COLEC10: variants seen among roughly 807,000 people sequenced by gnomAD.
COLEC10 encodes the protein collectin subfamily member 10, also known as collectin-10.
In COLEC10, 22 loss-of-function variants were observed where a neutral mutation model predicts 28.4. The ratio of observed to expected loss-of-function variants is 0.78; its 90% CI spans 0.55 to 1.11. The LOEUF (loss-of-function observed/expected upper bound fraction) is 1.11. COLEC10 is among the 50% of genes least tolerant of loss of function. COLEC10 has a pLI of 0.00. For missense variants in COLEC10, 361 were observed against 344.1 expected (o/e 1.05, Z -0.39); for synonymous variants, 125 against 116.1 (o/e 1.08, Z -0.49).
rs757896357 is a variant in COLEC10, at chr8:119,067,289, G to A, written c.8G>A (p.Gly3Asp). 1.3e-5 allele frequency: 21 copies of A among 1,613,732 alleles called. No homozygotes were observed. In the East Asian group the frequency reaches 4.2e-4, roughly 33 times the overall value. Residue 3 changes from glycine to aspartate, a missense_variant, in exon 1 of 6, where the codon GGC becomes GAC. By Grantham distance (94) the Gly-to-Asp change is moderately conservative. Around this residue, in one of 3 missense-constraint regions of COLEC10, gnomAD observed 335 missense variants for 308.5 expected, o/e 1.09. Coordinates refer to ENST00000332843, the MANE Select transcript of COLEC10 (RefSeq NM_006438.5). MN[G>D]FASLLRRNQF... is the part of the protein sequence containing the mutation. The stretch of plus-strand genomic sequence containing the variant: ...TTCTGAGGAACCACAGCAATGAATG[G>A]CTTTGCATCCTTGCTTCGAAGAAAC...
At chr8:119,100,264 C>T (rs565401788) in intron 3 of COLEC10, among the ~76,000 whole-genome samples, 90 of 152,020 alleles carry the variant, frequency 5.9e-4, no homozygotes, top group Non-Finnish European at 9.9e-4. Flanking sequence ...TAGATGTCCT[C>T]GAGCAAGTTA....
the COLEC10 span, among the ~76,000 whole-genome samples, chr8:118,960,517 C>T: frequency 2.0e-5 from 3 of 152,024 alleles, no homozygotes; most frequent in Middle Eastern, 3.2e-3. Context: ...AATGATCAAG[C>T]GATTGTGCTG....
At chr8:119,076,120 C>T (rs1815228124) in intron 1 of COLEC10, among the ~76,000 whole-genome samples, 1 of 145,912 alleles carries the variant, frequency 6.9e-6, no homozygotes, top group African/African-American at 2.6e-5. Flanking sequence ...ACCATGTTAG[C>T]CAGGACAGTC....
the COLEC10 span, among the ~76,000 whole-genome samples, chr8:118,986,695 AG>A: frequency 6.6e-6 from 1 of 152,192 alleles, no homozygotes; most frequent in Non-Finnish European, 1.5e-5. Context: ...TCAATAAAAT[AG>A]TATTTCTCCA....
chr8:119,069,622 AAAAAAAAATATATATATAT>A (rs1815053000), intron 1 of COLEC10, among the ~76,000 whole-genome samples: 1 of 71,144 alleles, frequency 1.4e-5, no homozygotes, highest in Admixed American at 1.7e-4. Flanking sequence ...AAAAAAAAAA[AAAAAAAAATATATATATAT>A]ATATATATAT....
Position 119,024,396 on chromosome 8 carries a change from T to C in COLEC10, n.235+14843T>C, listed in dbSNP as rs192013959. On this transcript the variant is annotated intron_variant and non_coding_transcript_variant, in intron 2 of 6. Coordinates refer to the COLEC10 transcript ENST00000521788. Reference sequence around the variant, plus strand: ...TGATGAGATTTCAGTAGTTTTCTTATAGTGAGTCCCCTTATAAGGCATAAG... The same window carrying C: ...TGATGAGATTTCAGTAGTTTTCTTACAGTGAGTCCCCTTATAAGGCATAAG... Among the ~76,000 whole-genome samples, 141 of 152,260 alleles carry C rather than the reference T, an allele frequency of 9.3e-4. 2 individuals carry two copies. The highest frequency in any genetic ancestry group is 8.8e-5 in the Non-Finnish European group (6 of 68,002).
chr8:118,998,475 G>A (rs1032720828), intron 1 of COLEC10, among the ~76,000 whole-genome samples: 2 of 152,056 alleles, frequency 1.3e-5, no homozygotes, highest in Non-Finnish European at 2.9e-5. Flanking sequence ...TGCTGAGATA[G>A]CGCATGAATA....
intron 2 of COLEC10, among the ~76,000 whole-genome samples, chr8:119,055,518 A>G (rs189526640): frequency 1.3e-5 from 2 of 152,182 alleles, no homozygotes; most frequent in Admixed American, 1.3e-4. Flanking sequence ...TCATCCCAGG[A>G]GCAAAATTTG....
At chr8:119,006,708 C>G (rs1183558508) in intron 1 of COLEC10, among the ~76,000 whole-genome samples, 1 of 151,988 alleles carries the variant, frequency 6.6e-6, no homozygotes, top group African/African-American at 2.4e-5. Context: ...ATTCCTACTG[C>G]ATGGATATTG....
chr8:119,062,990 C>A (rs1814885985), upstream of COLEC10: 1 of 152,118 alleles, frequency 6.6e-6, no homozygotes, highest in African/African-American at 2.4e-5. Flanking sequence ...AAACCAAGTC[C>A]AAAGTTGAGT....
At chr8:119,023,498 C>T (rs907623641) in intron 2 of COLEC10, among the ~76,000 whole-genome samples, 15 of 152,100 alleles carry the variant, frequency 9.9e-5, no homozygotes, top group African/African-American at 3.1e-4. Context: ...ATGAAATCAA[C>T]AGAACTAAAA....
At chr8:119,069,629 A>AAAAAATATAT (rs1554627284) in intron 1 of COLEC10, among the ~76,000 whole-genome samples, 1 of 42,872 alleles carries the variant, frequency 2.3e-5, no homozygotes, top group Non-Finnish European at 4.4e-5. Flanking sequence ...AAAAAAAAAA[A>AAAAAATATAT]ATATATATAT....
At chr8:118,975,698 GA>G in the COLEC10 span, among the ~76,000 whole-genome samples, 1 of 151,950 alleles carries the variant, frequency 6.6e-6, no homozygotes, top group African/African-American at 2.4e-5. Flanking sequence ...GATTTCCTAA[GA>G]GAGTGATAAG....
chr8:119,046,367 C>T (rs1439228967), intron 2 of COLEC10, among the ~76,000 whole-genome samples: 2 of 152,194 alleles, frequency 1.3e-5, no homozygotes, highest in Admixed American at 1.3e-4. Flanking sequence ...CTGCAACCTT[C>T]ATCCTAGCAA....
the COLEC10 span, among the ~76,000 whole-genome samples, chr8:118,980,621 T>G: frequency 3.9e-5 from 6 of 152,166 alleles, no homozygotes; most frequent in Non-Finnish European, 8.8e-5. Flanking sequence ...AATAAAATTT[T>G]GCTTCTACTC....
At chr8:119,028,355 A>C (rs1161199739) in intron 2 of COLEC10, among the ~76,000 whole-genome samples, 1 of 152,234 alleles carries the variant, frequency 6.6e-6, no homozygotes, top group African/African-American at 2.4e-5. Context: ...GTTCATTTAC[A>C]TGCTGCTTAT....
rs546215996 is a variant in COLEC10 at position 119,104,233 on chromosome 8, G to A, written c.442+338G>A. On this transcript the variant is annotated intron_variant, in intron 5 of 5. Transcript: ENST00000332843. ...CAGAACTAGCATCTCAGAAAATAGA[G>A]GTAATAATAACAATAACTGCTTTCT... 2.0e-5 allele frequency among the ~76,000 whole-genome samples: 3 copies of A among 152,162 alleles called. No individual in the cohort carries two copies. In the South Asian group the frequency reaches 6.2e-4, roughly 32 times the overall value.
chr8:118,953,505 C>T, the COLEC10 span, among the ~76,000 whole-genome samples: 16 of 152,134 alleles, frequency 1.1e-4, no homozygotes, highest in African/African-American at 3.9e-4. Context: ...ATGTGGGTGT[C>T]AGACCTTGGA....
At chr8:119,054,548 A>G (rs1290457744) in intron 2 of COLEC10, among the ~76,000 whole-genome samples, 5 of 151,974 alleles carry the variant, frequency 3.3e-5, no homozygotes, top group Admixed American at 2.0e-4. Flanking sequence ...CACAAAACCA[A>G]TTTTGAGTTG....
Sources: gnomAD v4.1 joint callset for allele counts (sites outside exome capture counted in the v4.1 genomes callset) on GRCh38, gnomAD v4.1.1 for gene constraint, gnomAD v4.1.1 regional missense constraint, MANE v1.5 for transcripts, NCBI Gene and HGNC (gene_info 2026-07-23, HGNC 2026-07-21) for gene names.